DENND4C: variants seen among roughly 807,000 people sequenced by gnomAD.
The protein encoded by DENND4C is DENN domain containing 4C, also known as DENN domain-containing protein 4C.
In DENND4C, 108 loss-of-function variants were observed where a neutral mutation model predicts 203.0. The observed-to-expected ratio is 0.53, with a 90% CI of 0.46 to 0.62. DENND4C has a LOEUF of 0.62. Ranked by LOEUF, DENND4C falls within the 20% of genes least tolerant of loss-of-function variation. The probability of loss-of-function intolerance (pLI) is 0.00; values close to 1 mark genes in which losing one functional copy is unlikely to be tolerated. For synonymous variants in DENND4C, 871 were observed against 792.4 expected, an observed-to-expected ratio of 1.10 and a Z score of -1.67; for missense variants, 2,481 against 2,301.2, an observed-to-expected ratio of 1.08 and a Z score of -1.60.
chr9:19,340,058 A>G (rs1031442801), intron 20 of DENND4C, among the ~76,000 whole-genome samples: 2 of 152,170 alleles, frequency 1.3e-5, no homozygotes, highest in African/African-American at 4.8e-5. Context: ...AGAATGTTCT[A>G]GCTCAATCTT....
chr9:19,360,073 T>A (rs1405376794), intron 28 of DENND4C, among the ~76,000 whole-genome samples, 171 bp from the exon 29 acceptor site: 1 of 152,230 alleles, frequency 6.6e-6, no homozygotes, highest in Non-Finnish European at 1.5e-5. Context: ...TAACAGTATT[T>A]AAGTATTTTC....
rs397764386 is a variant in DENND4C at position 19,234,552 on chromosome 9, T to TTA, written c.-18+3719_-18+3720insTA. On this transcript the variant is annotated intron_variant, in intron 1 of 32. Coordinates refer to ENST00000434457, the MANE Select transcript of DENND4C (RefSeq NM_001330640.2). ...GCTGTTTTTTTTTTTTTTTTTTTTTTAACACGGTCTCACTTTGTCACCTAG... is the reference window on the plus strand; with the variant it reads ...GCTGTTTTTTTTTTTTTTTTTTTTTTTAAACACGGTCTCACTTTGTCACCTAG... Among the ~76,000 whole-genome samples the TTA allele has an allele frequency of 3.4e-5, 5 of 146,192 alleles. No homozygotes were observed. The East Asian group carries it at 6.0e-4, about 18-fold the overall frequency.
intron 16 of DENND4C, 74 bp downstream of exon 16, chr9:19,328,236 T>G (rs1818235113): frequency 7.4e-7 from 1 of 1,357,606 alleles, no homozygotes; most frequent in Middle Eastern, 2.6e-4. Context: ...GCTCATAGTT[T>G]AGAATGATCA....
intron 1 of DENND4C, among the ~76,000 whole-genome samples, chr9:19,254,092 A>G (rs1020390386): frequency 6.6e-6 from 1 of 152,254 alleles, no homozygotes; most frequent in Non-Finnish European, 1.5e-5. Flanking sequence ...AATACAAAGT[A>G]TCAATATGGG....
At chr9:19,296,272 C>A in intron 6 of DENND4C, 26 bp downstream of exon 6, 1 of 1,475,240 alleles carries the variant, frequency 6.8e-7, no homozygotes, top group Non-Finnish European at 9.3e-7. Context: ...AGAAAGATGG[C>A]TGGTGGAAAA....
At chr9:19,236,128 T>A (rs1821910986) in intron 1 of DENND4C, among the ~76,000 whole-genome samples, 2 of 152,214 alleles carry the variant, frequency 1.3e-5, no homozygotes, top group South Asian at 4.1e-4. Context: ...GTTATAAATC[T>A]TTTTTTAAAT....
intron 10 of DENND4C, among the ~76,000 whole-genome samples, chr9:19,311,975 A>G (rs1238254980): frequency 6.6e-6 from 1 of 152,206 alleles, no homozygotes; most frequent in Admixed American, 6.5e-5. Context: ...GTTTGTTCAA[A>G]ATAGAAAAAG....
Position 19,305,296 on chromosome 9 carries a change from T to C in DENND4C, c.1312-56T>C, listed in dbSNP as rs577366688. Reference sequence around the variant, plus strand: ...CCTTTTCAGTAATACTAGTTACTTATATATTTTTTATTGCAAATTTAAAAT... The same window carrying C: ...CCTTTTCAGTAATACTAGTTACTTACATATTTTTTATTGCAAATTTAAAAT... On this transcript the variant is annotated intron_variant, in intron 9 of 32. Coordinates refer to ENST00000434457, the MANE Select transcript of DENND4C (RefSeq NM_001330640.2). 2.8e-4 allele frequency: 420 copies of C among 1,484,450 alleles called. 1 individual carries two copies. The highest frequency in any genetic ancestry group is 3.1e-4 in the Non-Finnish European group (338 of 1,088,106). 92.0% of individuals were successfully genotyped at this position (1,484,450 alleles called of 1,614,324 possible). A position where few individuals can be genotyped will look rare whatever the true frequency, so the allele number is the denominator to read the frequency against.
At chr9:19,356,033 T>G (rs943590238) in intron 26 of DENND4C, among the ~76,000 whole-genome samples, 1 of 152,134 alleles carries the variant, frequency 6.6e-6, no homozygotes, top group Non-Finnish European at 1.5e-5. Flanking sequence ...CATTATTAAG[T>G]CTGTCCCCTG....
intron 10 of DENND4C, among the ~76,000 whole-genome samples, chr9:19,310,138 A>C (rs2131449089): frequency 6.6e-6 from 1 of 152,264 alleles, no homozygotes. Context: ...ATATCTAGCA[A>C]CTTAGTTGAA....
chr9:19,243,218 G>T (rs57502743), intron 1 of DENND4C, among the ~76,000 whole-genome samples: 1 of 151,930 alleles, frequency 6.6e-6, no homozygotes, highest in South Asian at 2.1e-4. Context: ...ACCTATTTTG[G>T]ACATTTCATA....
chr9:19,363,551 A>G (rs1464602690), intron 30 of DENND4C, among the ~76,000 whole-genome samples: 1 of 151,988 alleles, frequency 6.6e-6, no homozygotes, highest in Non-Finnish European at 1.5e-5. Context: ...GTCCTCATGT[A>G]ACCTTAATTA....
At chr9:19,330,797 C>T (rs1439865840) in intron 16 of DENND4C, among the ~76,000 whole-genome samples, 5 of 151,972 alleles carry the variant, frequency 3.3e-5, no homozygotes, top group Non-Finnish European at 7.4e-5. Flanking sequence ...CGTCTATAAT[C>T]CCAGCACTTT....
At chr9:19,297,939 T>C (rs1164781842) in intron 6 of DENND4C, 117 bp from the exon 7 acceptor site, 20 of 762,490 alleles carry the variant, frequency 2.6e-5, no homozygotes, top group Non-Finnish European at 3.8e-5. Context: ...AGCCTACATT[T>C]TAGATAAATG....
chr9:19,324,276 AAT>A (rs1843357427), intron 12 of DENND4C, 84 bp from the exon 13 acceptor site: 1 of 977,100 alleles, frequency 1.0e-6, no homozygotes, highest in Non-Finnish European at 1.5e-6. Context: ...AAGAGAATGT[AAT>A]ATAGATAAGT....
In DENND4C at chr9:19,346,541, A is replaced by G. The variant is rs200433252; in HGVS notation, c.3772A>G (p.Thr1258Ala). ...ACTAGATCCTTTGTCTCTTTTAGCCACTGAATGTACAGGAGGAAAAACTCC... is the reference window on the plus strand; with the variant it reads ...ACTAGATCCTTTGTCTCTTTTAGCCGCTGAATGTACAGGAGGAAAAACTCC... Reference protein sequence around the residue: ...TGLDPLSLLATECTGGKTPDS... With the variant: ...TGLDPLSLLAAECTGGKTPDS... The change falls in exon 23 of 33, where the codon ACT (threonine) becomes GCT (alanine). Residue 1258 changes from threonine (T) to alanine (A), a missense_variant. Thr to Ala is a moderately conservative substitution (Grantham distance 58, BLOSUM62 0). Coordinates refer to ENST00000434457, the MANE Select transcript of DENND4C (RefSeq NM_001330640.2). The G allele has an allele frequency of 1.8e-4, 293 of 1,614,040 alleles. 3 individuals carry two copies. The highest frequency in any genetic ancestry group is 8.5e-6 in the Non-Finnish European group (10 of 1,180,042).
intron 1 of DENND4C, among the ~76,000 whole-genome samples, chr9:19,239,640 C>G (rs750302303): frequency 3.3e-5 from 5 of 152,060 alleles, no homozygotes; most frequent in Admixed American, 6.6e-5. Flanking sequence ...GCGCACACCA[C>G]CATGCCCGGC....
At chr9:19,351,953 G>C (rs1824241233) in intron 24 of DENND4C, 120 bp from the exon 25 acceptor site, 1 of 702,486 alleles carries the variant, frequency 1.4e-6, no homozygotes, top group African/African-American at 1.8e-5. Flanking sequence ...TTTTTATACT[G>C]AGCCACTTGA....
rs1369069211 is a variant in DENND4C at position 19,298,135 on chromosome 9, G to C, written c.1107+13G>C. ...AATCCTTGTCCAGGTAATCAAAAGAGAGTATATTTGGGGAGAACTTTGCAT... is the reference window on the plus strand; with the variant it reads ...AATCCTTGTCCAGGTAATCAAAAGACAGTATATTTGGGGAGAACTTTGCAT... On this transcript the variant is annotated intron_variant, in intron 7 of 32. Coordinates refer to ENST00000434457, the MANE Select transcript of DENND4C (RefSeq NM_001330640.2). 2.5e-6 allele frequency: 4 copies of C among 1,604,148 alleles called. No homozygotes were observed. Among genetic ancestry groups the C allele is most frequent in the Non-Finnish European group, 3.4e-6 (4 of 1,174,178 alleles).
Sources: gnomAD v4.1 joint callset for allele counts (sites outside exome capture counted in the v4.1 genomes callset) on GRCh38, gnomAD v4.1.1 for gene constraint, MANE v1.5 for transcripts, NCBI Gene and HGNC (gene_info 2026-07-23, HGNC 2026-07-21) for gene names.